Variants in SHANK2 observed in about 807,000 individuals in gnomAD.
The protein encoded by SHANK2 is SH3 and multiple ankyrin repeat domains 2.
In SHANK2, 43 loss-of-function variants were observed where a neutral mutation model predicts 133.7. That is an observed-to-expected ratio of 0.32 (90% CI 0.25 to 0.41). SHANK2 has a LOEUF of 0.41. Ranked by LOEUF, SHANK2 falls within the 10% of genes least tolerant of loss-of-function variation. The pLI is 1.00. For missense variants in SHANK2, 1,994 were observed against 2,235.8 expected (o/e 0.89, Z 2.18); for synonymous variants, 1,017 against 952.8 (o/e 1.07, Z -1.24).
At position 71,091,237 on chromosome 11, in the gene SHANK2, C is replaced by G. The variant is rs1039505613; in HGVS notation, c.912+1185G>C. Among the ~76,000 whole-genome samples the G allele has an allele frequency of 3.9e-5, 6 of 152,154 alleles. No homozygotes were observed. The South Asian group carries it at 6.2e-4, about 16-fold the overall frequency. ...CTCCAGCTTGGGTGTGGGCCGGGGG[C>G]TGCCATGAACAGCCCCACAGACCCC... On this transcript the variant is annotated intron_variant, in intron 8 of 25. Transcript: ENST00000601538.
chr11:70,877,250 A>G (rs1316420270), intron 11 of SHANK2, among the ~76,000 whole-genome samples: 9 of 152,226 alleles, frequency 5.9e-5, no homozygotes. Context: ...AGGTGTTCCG[A>G]GGGCCCCAGC....
chr11:70,924,311 T>A (rs1950395924), intron 10 of SHANK2, among the ~76,000 whole-genome samples: 1 of 146,720 alleles, frequency 6.8e-6, no homozygotes, highest in Admixed American at 7.0e-5. Context: ...CTGGGTAAGA[T>A]GCTGCATCCC....
chr11:70,594,939 A>G (rs2060377190), intron 17 of SHANK2, among the ~76,000 whole-genome samples: 1 of 152,162 alleles, frequency 6.6e-6, no homozygotes, highest in South Asian at 2.1e-4. Context: ...GTAAAATTTC[A>G]AAAAAAGTGA....
chr11:70,608,562 G>A (rs1470954174), intron 17 of SHANK2, among the ~76,000 whole-genome samples: 1 of 152,148 alleles, frequency 6.6e-6, no homozygotes, highest in Non-Finnish European at 1.5e-5. Context: ...TCTGCAGGTG[G>A]GCAGGACACA....
intron 5 of SHANK2, among the ~76,000 whole-genome samples, chr11:71,110,743 C>T (rs1015440496): frequency 8.5e-5 from 13 of 152,198 alleles, no homozygotes; most frequent in Admixed American, 2.6e-4. Flanking sequence ...GTGTCTGGCA[C>T]GTGACAAGTA....
chr11:71,228,493 C>T (rs186420018), intron 1 of SHANK2, among the ~76,000 whole-genome samples: 3 of 152,320 alleles, frequency 2.0e-5, no homozygotes, highest in Non-Finnish European at 4.4e-5. Context: ...TATGGTGGCT[C>T]ATGCCTGTAA....
intron 14 of SHANK2, among the ~76,000 whole-genome samples, chr11:70,711,918 C>G (rs1386415799): frequency 5.9e-5 from 9 of 152,178 alleles, no homozygotes; most frequent in Non-Finnish European, 1.3e-4. Flanking sequence ...AGCACACGGA[C>G]CTCGTGGGGA....
intron 11 of SHANK2, among the ~76,000 whole-genome samples, chr11:70,821,329 A>C (rs1555055908): frequency 6.6e-6 from 1 of 152,198 alleles, no homozygotes; most frequent in East Asian, 1.9e-4. Context: ...CCTGCAAGCC[A>C]TCAAGAGAGG....
At chr11:70,834,379 A>G (rs1299133924) in intron 11 of SHANK2, among the ~76,000 whole-genome samples, 1 of 152,208 alleles carries the variant, frequency 6.6e-6, no homozygotes, top group Non-Finnish European at 1.5e-5. Flanking sequence ...AAAAGAAAAC[A>G]AACTCTAGAC....
chr11:70,752,329 T>G (rs980735015), intron 14 of SHANK2, among the ~76,000 whole-genome samples: 1 of 152,006 alleles, frequency 6.6e-6, no homozygotes, highest in Admixed American at 6.6e-5. Context: ...CACACACTAA[T>G]AAGAAGAAAG....
Position 70,893,751 on chromosome 11 carries a change from A to C in SHANK2, c.1174+2750T>G, listed in dbSNP as rs183100999. The stretch of plus-strand genomic sequence containing the variant: ...TCCCTTTGGGGCCCTGGGAAAGCCC[A>C]AAAATCAGGGAACAACAGACACTGA... On this transcript the variant is annotated intron_variant, in intron 11 of 25. Coordinates refer to ENST00000601538, the MANE Select transcript of SHANK2 (RefSeq NM_012309.5). Among the ~76,000 whole-genome samples, 744 of 152,320 alleles carry C rather than the reference A, an allele frequency of 4.9e-3. 6 individuals carry two copies. The highest frequency in any genetic ancestry group is 0.017 in the African/African-American group (708 of 41,574).
At chr11:70,627,932 G>A (rs1251386291) in intron 17 of SHANK2, among the ~76,000 whole-genome samples, 7 of 152,136 alleles carry the variant, frequency 4.6e-5, no homozygotes, top group Non-Finnish European at 1.0e-4. Context: ...CCTTATACAA[G>A]GTCAACATGC....
chr11:70,689,048 T>C (rs1945217981), intron 15 of SHANK2, among the ~76,000 whole-genome samples: 1 of 152,220 alleles, frequency 6.6e-6, no homozygotes, highest in Non-Finnish European at 1.5e-5. Flanking sequence ...AACGTGCAGT[T>C]CACCTGAGCT....
Position 71,096,667 on chromosome 11 carries a change from C to T in SHANK2, c.593-1979G>A, listed in dbSNP as rs77122279. ...GCTGAACATTCAAATCTTACAGCGA[C>T]TTAATGAGCGTGTGACACTCGTTCG... is the stretch of plus-strand genomic sequence containing the variant. On this transcript the variant is annotated intron_variant, in intron 6 of 25. Transcript: ENST00000601538. Among the ~76,000 whole-genome samples, 49 of 152,318 alleles carry T rather than the reference C, an allele frequency of 3.2e-4. No individual in the cohort carries two copies. In the East Asian group the frequency reaches 7.3e-3, roughly 23 times the overall value.
At chr11:70,701,268 A>G (rs1158635229) in intron 14 of SHANK2, among the ~76,000 whole-genome samples, 1 of 152,206 alleles carries the variant, frequency 6.6e-6, no homozygotes, top group Non-Finnish European at 1.5e-5. Context: ...CTGGAGTTTC[A>G]TGGACCAACA....
rs927865689 is a variant in SHANK2, at chr11:70,702,962, G to T, written c.1778-4199C>A. Among the ~76,000 whole-genome samples the T allele has an allele frequency of 3.3e-5, 5 of 152,364 alleles. 1 individual carries two copies. The South Asian group carries it at 8.3e-4, about 25-fold the overall frequency. On this transcript the variant is annotated intron_variant, in intron 14 of 25. Coordinates refer to ENST00000601538, the MANE Select transcript of SHANK2 (RefSeq NM_012309.5). ...TCAATACATGTAAGGCACTAGAATG[G>T]TGCATGGCATGTTGAAAGTGCTATG... is the stretch of plus-strand genomic sequence containing the variant.
intron 11 of SHANK2, among the ~76,000 whole-genome samples, chr11:70,867,208 C>T (rs1212818488): frequency 1.3e-5 from 2 of 151,746 alleles, no homozygotes; most frequent in African/African-American, 4.8e-5. Flanking sequence ...TACGAAGGTG[C>T]CATCCTGAGG....
chr11:71,169,790 C>G (rs1370303139), intron 2 of SHANK2, among the ~76,000 whole-genome samples: 2 of 146,558 alleles, frequency 1.4e-5, no homozygotes, highest in East Asian at 4.1e-4. Flanking sequence ...GTGTGTAAAA[C>G]TAGATACTGA....
At chr11:70,649,719 A>T (rs1340636181) in intron 17 of SHANK2, among the ~76,000 whole-genome samples, 3 of 152,176 alleles carry the variant, frequency 2.0e-5, no homozygotes, top group African/African-American at 7.2e-5. Flanking sequence ...AGCTTCCAAC[A>T]TGGAGATGTC....
Sources: gnomAD v4.1 joint callset for allele counts (sites outside exome capture counted in the v4.1 genomes callset) on GRCh38, gnomAD v4.1.1 for gene constraint, MANE v1.5 for transcripts, NCBI Gene and HGNC (gene_info 2026-07-23, HGNC 2026-07-21) for gene names.